Variants in TSPAN12 observed in about 807,000 individuals in gnomAD.
TSPAN12 encodes tetraspanin 12.
A neutral mutation model predicts 39.2 loss-of-function variants in TSPAN12; 19 were observed. The ratio of observed to expected loss-of-function variants is 0.49; its 90% CI spans 0.34 to 0.71. TSPAN12 has a LOEUF of 0.71. Among genes scored for constraint, TSPAN12 ranks in the 30% least tolerant of loss-of-function variants. The pLI, the probability that TSPAN12 is intolerant of heterozygous loss-of-function variation, is 0.01. For synonymous variants in TSPAN12, 119 were observed against 124.8 expected, an observed-to-expected ratio of 0.95 and a Z score of 0.31; for missense variants, 314 against 359.9, an observed-to-expected ratio of 0.87 and a Z score of 1.03.
intron 4 of TSPAN12, among the ~76,000 whole-genome samples, chr7:120,822,638 T>G (rs1049965444): frequency 3.7e-4 from 57 of 152,030 alleles, no homozygotes; most frequent in African/African-American, 1.4e-3. Context: ...TACTCAGGTA[T>G]TGGCAGCCCT....
chr7:120,843,996 A>AGGC (rs1259564608), intron 2 of TSPAN12, among the ~76,000 whole-genome samples: 7 of 152,294 alleles, frequency 4.6e-5, no homozygotes, highest in African/African-American at 1.4e-4. Flanking sequence ...ATGGTTCCTC[A>AGGC]GGCTGTACAG....
chr7:120,794,293 C>T (rs1335526479), intron 7 of TSPAN12, among the ~76,000 whole-genome samples: 1 of 152,066 alleles, frequency 6.6e-6, no homozygotes, highest in East Asian at 1.9e-4. Flanking sequence ...AGCAGACAGG[C>T]GTTGATATAA....
intron 4 of TSPAN12, among the ~76,000 whole-genome samples, chr7:120,836,500 A>C (rs1562950145): frequency 6.6e-6 from 1 of 152,232 alleles, no homozygotes; most frequent in Admixed American, 6.5e-5. Flanking sequence ...GATGGAAAAA[A>C]GCAAAATCAA....
chr7:120,857,753 G>C (rs1034417348), intron 1 of TSPAN12, 67 bp downstream of exon 1: 1 of 152,088 alleles, frequency 6.6e-6, no homozygotes, highest in Non-Finnish European at 1.5e-5. Flanking sequence ...CACACAGCGC[G>C]GAGGGCAGCC....
chr7:120,800,226 C>A (rs556374663), intron 7 of TSPAN12, among the ~76,000 whole-genome samples: 1 of 152,176 alleles, frequency 6.6e-6, no homozygotes, highest in South Asian at 2.1e-4. Flanking sequence ...CAACACTCAA[C>A]GGAGAGAATA....
At chr7:120,830,755 C>A (rs949518663) in intron 4 of TSPAN12, among the ~76,000 whole-genome samples, 2 of 151,786 alleles carry the variant, frequency 1.3e-5, no homozygotes, top group African/African-American at 4.8e-5. Context: ...TTTAATATGA[C>A]CCCAAAGTCA....
intron 2 of TSPAN12, among the ~76,000 whole-genome samples, chr7:120,845,579 C>T (rs1368202033): frequency 6.6e-6 from 1 of 152,202 alleles, no homozygotes; most frequent in East Asian, 1.9e-4. Context: ...TAAATCATCA[C>T]TCTCAAGTTC....
intron 2 of TSPAN12, among the ~76,000 whole-genome samples, chr7:120,848,558 T>C (rs1448084115): frequency 1.3e-5 from 2 of 152,230 alleles, no homozygotes; most frequent in Admixed American, 6.5e-5. Flanking sequence ...CAAAGATTTA[T>C]ATATCAGATT....
rs746574627 is a variant in TSPAN12, at chr7:120,838,897, G to T, written c.165C>A (p.Val55=). Residue 55 remains valine, a synonymous_variant, in exon 4 of 8, where the codon GTC becomes GTA. Transcript: ENST00000222747. ...LTAETRVEEA[V]ILTYFPVVHP... is the part of the protein sequence containing the mutation. Reference sequence around the variant, plus strand: ...GAACCACAGGAAAGTAAGTCAAAATGACTGCTTCCTCTACCCTGAAAGAAG... The same window carrying T: ...GAACCACAGGAAAGTAAGTCAAAATTACTGCTTCCTCTACCCTGAAAGAAG... The T allele has an allele frequency of 3.7e-6, 6 of 1,613,906 alleles. No homozygotes were observed. Among genetic ancestry groups the T allele is most frequent in the South Asian group, 3.3e-5 (3 of 91,064 alleles).
At chr7:120,801,998 C>T (rs1213346009) in intron 7 of TSPAN12, among the ~76,000 whole-genome samples, 1 of 152,076 alleles carries the variant, frequency 6.6e-6, no homozygotes, top group Non-Finnish European at 1.5e-5. Flanking sequence ...GTTGAGTGTC[C>T]CAGCTCTATA....
chr7:120,803,981 A>G (rs961052433), intron 7 of TSPAN12, among the ~76,000 whole-genome samples: 1 of 152,192 alleles, frequency 6.6e-6, no homozygotes, highest in Non-Finnish European at 1.5e-5. Flanking sequence ...GAAGAGAATT[A>G]GTCCATATTC....
At chr7:120,821,566 A>G (rs1028428870) in intron 4 of TSPAN12, among the ~76,000 whole-genome samples, 1 of 152,172 alleles carries the variant, frequency 6.6e-6, no homozygotes, top group Non-Finnish European at 1.5e-5. Flanking sequence ...CTTCATTTGT[A>G]AAGTGAGAAT....
At chr7:120,804,286 A>T (rs952080247) in intron 7 of TSPAN12, among the ~76,000 whole-genome samples, 3 of 152,142 alleles carry the variant, frequency 2.0e-5, no homozygotes, top group Non-Finnish European at 4.4e-5. Context: ...TATATGTAAT[A>T]CTACCTCAGA....
At chr7:120,812,675 A>T (rs1203222031) in intron 5 of TSPAN12, among the ~76,000 whole-genome samples, 1 of 152,200 alleles carries the variant, frequency 6.6e-6, no homozygotes, top group Non-Finnish European at 1.5e-5. Context: ...AATGGGCTAA[A>T]CGGGTGTACT....
intron 5 of TSPAN12, among the ~76,000 whole-genome samples, chr7:120,814,866 C>G (rs1584934252): frequency 6.6e-6 from 1 of 152,280 alleles, no homozygotes; most frequent in Admixed American, 6.5e-5. Flanking sequence ...TCGTGCCAAA[C>G]ACACAGCAAC....
rs575966515 is a variant in TSPAN12 at position 120,849,978 on chromosome 7, G to A, written c.66+6720C>T. The stretch of plus-strand genomic sequence containing the variant: ...GAGGTGAGTCACACGTGTGTTTCAT[G>A]TTGCCAGGCCTGCTCCCTTTTGCCT... On this transcript the variant is annotated intron_variant, in intron 2 of 7. Coordinates refer to ENST00000222747, the MANE Select transcript of TSPAN12 (RefSeq NM_012338.4). Among the ~76,000 whole-genome samples the A allele has an allele frequency of 1.2e-4, 18 of 152,316 alleles. No homozygotes were observed. The East Asian group carries it at 3.3e-3, about 28-fold the overall frequency.
intron 7 of TSPAN12, 135 bp from the exon 8 acceptor site, chr7:120,789,032 T>A (rs1426709945): frequency 2.2e-6 from 2 of 918,772 alleles, no homozygotes; most frequent in African/African-American, 3.3e-5. Flanking sequence ...ACAGTGGTTC[T>A]CAGGGAAAGC....
intron 3 of TSPAN12, 135 bp downstream of exon 3, chr7:120,839,892 G>C (rs1311014650): frequency 1.4e-6 from 1 of 705,968 alleles, no homozygotes; most frequent in African/African-American, 1.8e-5. Context: ...GGATGCAAGT[G>C]TCTGTGACAA....
intron 4 of TSPAN12, among the ~76,000 whole-genome samples, chr7:120,824,909 T>A (rs1328272694): frequency 6.6e-6 from 1 of 152,208 alleles, no homozygotes; most frequent in African/African-American, 2.4e-5. Context: ...TTTCAATTAC[T>A]AAGAGCATGT....
Sources: allele counts gnomAD v4.1 joint callset (sites outside exome capture counted in the v4.1 genomes callset), GRCh38; gene constraint gnomAD v4.1.1; transcripts MANE v1.5; gene names NCBI Gene and HGNC (gene_info 2026-07-23, HGNC 2026-07-21).